The following GLS variants were observed in gnomAD, a reference collection of about 807,000 sequenced individuals.
The protein encoded by GLS is glutaminase, also known as glutaminase kidney isoform, mitochondrial.
Under a neutral mutation model 86.7 loss-of-function variants are expected in GLS, and 36 were observed. The observed-to-expected ratio is 0.42, with a 90% CI of 0.32 to 0.55. The LOEUF is 0.55. Among genes scored for constraint, GLS ranks in the 20% least tolerant of loss-of-function variants. The pLI, the probability that GLS is intolerant of heterozygous loss-of-function variation, is 0.17. For synonymous variants in GLS, 317 were observed against 305.9 expected (o/e 1.04, Z -0.38); for missense variants, 528 against 833.4 (o/e 0.63, Z 4.51).
chr2:190,903,395 T>C (rs1375729045), intron 5 of GLS, among the ~76,000 whole-genome samples: 1 of 152,208 alleles, frequency 6.6e-6, no homozygotes, highest in Non-Finnish European at 1.5e-5. Context: ...TTATCCTCAT[T>C]TGGGTCAGTA....
chr2:190,891,290 T>C (rs939677988), intron 1 of GLS, among the ~76,000 whole-genome samples: 1 of 152,188 alleles, frequency 6.6e-6, no homozygotes, highest in Admixed American at 6.5e-5. Flanking sequence ...GGGATCTTTA[T>C]TGCTATTGCT....
chr2:190,944,739 A>G (rs1050179790), intron 14 of GLS, among the ~76,000 whole-genome samples: 1 of 152,244 alleles, frequency 6.6e-6, no homozygotes, highest in African/African-American at 2.4e-5. Flanking sequence ...ATTTGCTGCC[A>G]GTAGCGTAAC....
chr2:190,881,101 G>T lies in GLS; in HGVS notation c.17G>T (p.Gly6Val), dbSNP rs576237236. 2.6e-6 allele frequency: 4 copies of T among 1,561,574 alleles called. No homozygotes were observed. The highest frequency in any genetic ancestry group is 3.4e-6 in the Non-Finnish European group (4 of 1,161,566). Residue 6 changes from glycine to valine, a missense_variant, in exon 1 of 18, where the codon GGC becomes GTC. By Grantham distance (109) the Gly-to-Val change is moderately radical. This residue lies in a region of GLS where 224 missense variants were observed against 187.9 expected (regional missense o/e 1.19). Coordinates refer to ENST00000320717, the MANE Select transcript of GLS (RefSeq NM_014905.5). ...CCCGGCGGCATGATGCGGCTGCGAG[G>T]CTCGGGGATGCTGCGGGACCTGCTC... MMRLR[G>V]SGMLRDLLLR...
rs1318877526 is a variant in GLS at position 190,930,654 on chromosome 2, A to G, written c.1557+86A>G. The G allele has an allele frequency of 3.1e-6, 4 of 1,297,786 alleles. No homozygotes were observed. The highest frequency in any genetic ancestry group is 4.3e-6 in the Non-Finnish European group (4 of 927,064). The allele number at this position is 1,297,786 out of a possible 1,614,324, so 80.4% of individuals were successfully genotyped here. ...TTTTTTAACCCATTTTCCATAGTTC[A>G]TTAACTCTTGGCCCTCCGCCTATAG... On this transcript the variant is annotated intron_variant, in intron 13 of 17. Transcript: ENST00000320717. The surrounding 1 kb of genome is among the most constrained non-coding windows in gnomAD (Gnocchi z 5.0).
chr2:190,918,196 C>T (rs1689607288), intron 7 of GLS, among the ~76,000 whole-genome samples: 1 of 152,180 alleles, frequency 6.6e-6, no homozygotes, highest in Non-Finnish European at 1.5e-5. Context: ...TCATAGATGT[C>T]ATCTTTCAAT....
chr2:190,881,021 G>A lies in GLS; in HGVS notation c.-64G>A, dbSNP rs1688134590. 2 of 1,505,774 alleles carry A rather than the reference G, an allele frequency of 1.3e-6. No homozygotes were observed. Among genetic ancestry groups the A allele is most frequent in the Non-Finnish European group, 1.8e-6 (2 of 1,127,248 alleles). The allele number at this position is 1,505,774 out of a possible 1,614,324, so 93.3% of individuals were successfully genotyped here. ...CCCACCACAGACCGCGTTCCCCGAG[G>A]AAACCGGCCGCCCACGCCCGGAGCA... is the stretch of plus-strand genomic sequence containing the variant. On this transcript the variant is annotated 5_prime_UTR_variant, in exon 1 of 18. Coordinates refer to ENST00000320717, the MANE Select transcript of GLS (RefSeq NM_014905.5).
At chr2:190,934,911 A>G (rs1690225750) in intron 14 of GLS, 5 of 977,588 alleles carry the variant, frequency 5.1e-6, no homozygotes, top group Non-Finnish European at 6.1e-6. Context: ...TTAAAAAAGA[A>G]AAAACTTTGC....
chr2:190,939,199 A>T (rs1216832617), intron 14 of GLS, among the ~76,000 whole-genome samples: 1 of 151,356 alleles, frequency 6.6e-6, no homozygotes, highest in Non-Finnish European at 1.5e-5. Context: ...CTGTTTATTT[A>T]CTCTGTCTAT....
chr2:190,929,196 T>C (rs563419784), intron 12 of GLS, among the ~76,000 whole-genome samples: 1 of 151,856 alleles, frequency 6.6e-6, no homozygotes, highest in African/African-American at 2.4e-5. Flanking sequence ...GTTTTGCTAA[T>C]GTAACTTAAA....
At position 190,921,537 on chromosome 2, in the gene GLS, A is replaced by G. The variant is rs1046253755; in HGVS notation, c.1130+334A>G. ...AGTCTATAGAAAAGTTGAAAAAATA[A>G]ATATCTGGAATCTTTTACTTATATT... On this transcript the variant is annotated intron_variant, in intron 9 of 17. Transcript: ENST00000320717. This position sits in a 1 kb window ranked among gnomAD's most constrained non-coding sequence, Gnocchi z 4.2. Among the ~76,000 whole-genome samples the G allele has an allele frequency of 2.0e-5, 3 of 151,954 alleles. No homozygotes were observed. The highest frequency in any genetic ancestry group is 1.3e-4 in the Admixed American group (2 of 15,266).
chr2:190,906,194 A>T (rs550629696), intron 6 of GLS, among the ~76,000 whole-genome samples: 1 of 152,182 alleles, frequency 6.6e-6, no homozygotes, highest in Non-Finnish European at 1.5e-5. Context: ...TACTAAGCTC[A>T]TTGACATCTA....
At chr2:190,881,627 G>GGCCCGGCCCCGCCCGCGCCT in intron 1 of GLS, 157 bp downstream of exon 1, 1 of 663,786 alleles carries the variant, frequency 1.5e-6, no homozygotes, top group Non-Finnish European at 2.3e-6. Context: ...CATGTGATTA[G>GGCCCGGCCCCGCCCGCGCCT]GCCCGGCCCC....
rs115631582 is a variant in GLS at position 190,920,950 on chromosome 2, A to G, written c.1039-74A>G. The G allele has an allele frequency of 1.8e-3, 1,365 of 772,134 alleles. 18 individuals carry two copies. The highest frequency in any genetic ancestry group is 0.018 in the African/African-American group (1,011 of 57,544). 47.8% of individuals were successfully genotyped at this position (772,134 alleles called of 1,614,324 possible). ...AGTATATTATAATAGTAGCTTTGAA[A>G]TTTTGATATTGGCTTGAAACTTAAC... On this transcript the variant is annotated intron_variant, in intron 7 of 17. Coordinates refer to ENST00000320717, the MANE Select transcript of GLS (RefSeq NM_014905.5). The surrounding 1 kb of genome is among the most constrained non-coding windows in gnomAD (Gnocchi z 4.2).
At chr2:190,885,939 C>T (rs1384111162) in intron 1 of GLS, among the ~76,000 whole-genome samples, 3 of 151,500 alleles carry the variant, frequency 2.0e-5, no homozygotes, top group Admixed American at 1.3e-4. Flanking sequence ...GTGGTGTGAT[C>T]TCAGCTCAAT....
chr2:190,952,108 A>G (rs764957978), intron 14 of GLS, among the ~76,000 whole-genome samples: 1 of 152,250 alleles, frequency 6.6e-6, no homozygotes, highest in Non-Finnish European at 1.5e-5. Flanking sequence ...GTGTAGGAGT[A>G]GGACAACAAG....
Position 190,951,628 on chromosome 2 carries a change from G to A in GLS, c.1651-1937G>A. ...TTTTTATCTTTTTAGCAAAGTTGTA[G>A]TTAGGATCTTCTGTCTGTTTTTAGG... On this transcript the variant is annotated intron_variant, in intron 14 of 17. Transcript: ENST00000320717. The surrounding 1 kb of genome is among the most constrained non-coding windows in gnomAD (Gnocchi z 4.2). Among the ~76,000 whole-genome samples the A allele has an allele frequency of 6.6e-6, 1 of 152,118 alleles. No individual in the cohort carries two copies. The highest frequency in any genetic ancestry group is 1.9e-4 in the East Asian group (1 of 5,198).
intron 7 of GLS, among the ~76,000 whole-genome samples, chr2:190,916,865 A>G (rs1285677181): frequency 6.6e-6 from 1 of 152,206 alleles, no homozygotes; most frequent in Non-Finnish European, 1.5e-5. Flanking sequence ...AAACAGTGTG[A>G]ATACCTTAAT....
At chr2:190,904,961 T>A in intron 5 of GLS, 43 bp from the exon 6 acceptor site, 1 of 1,125,430 alleles carries the variant, frequency 8.9e-7, no homozygotes, top group African/African-American at 1.6e-5. Context: ...GTTACATTTT[T>A]TTCCCAGTTG....
Position 190,924,815 on chromosome 2 carries a change from T to C in GLS, c.1248+222T>C, listed in dbSNP as rs1037702857. 2.4e-5 allele frequency: 10 copies of C among 413,502 alleles called. No homozygotes were observed. The highest frequency in any genetic ancestry group is 2.0e-4 in the African/African-American group (10 of 48,958). The allele number at this position is 413,502 out of a possible 1,614,324, so 25.6% of individuals were successfully genotyped here. A position where few individuals can be genotyped will look rare whatever the true frequency, so the allele number is the denominator to read the frequency against. On this transcript the variant is annotated intron_variant, in intron 11 of 17. Coordinates refer to ENST00000320717, the MANE Select transcript of GLS (RefSeq NM_014905.5). The surrounding 1 kb of genome is among the most constrained non-coding windows in gnomAD (Gnocchi z 5.2). ...CTGTAGTCCCAGTTACTTGTGAGGCTGAGGCAGGAGAATCCCTTGAACCTG... is the reference window on the plus strand; with the variant it reads ...CTGTAGTCCCAGTTACTTGTGAGGCCGAGGCAGGAGAATCCCTTGAACCTG...
Sources: gnomAD v4.1 joint callset for allele counts (sites outside exome capture counted in the v4.1 genomes callset) on GRCh38, gnomAD v4.1.1 for gene constraint, gnomAD v4.1.1 regional missense constraint, Gnocchi (gnomAD v3.1) non-coding constraint, MANE v1.5 for transcripts, NCBI Gene and HGNC (gene_info 2026-07-23, HGNC 2026-07-21) for gene names.